The following DHRSX variants were observed in gnomAD, a reference collection of about 807,000 sequenced individuals.
DHRSX encodes dehydrogenase/reductase X-linked, also known as polyprenol dehydrogenase.
Under a neutral mutation model 34.0 loss-of-function variants are expected in DHRSX, and 31 were observed. The ratio of observed to expected loss-of-function variants is 0.91; its 90% CI spans 0.69 to 1.23. The LOEUF is 1.23. DHRSX is among the 50% of genes most tolerant of loss of function. DHRSX has a pLI of 0.00. For synonymous variants in DHRSX, 201 were observed against 183.8 expected, an observed-to-expected ratio of 1.09 and a Z score of -0.76; for missense variants, 414 against 428.1, an observed-to-expected ratio of 0.97 and a Z score of 0.29.
chrX:2,388,063 C>T (rs992815705), intron 3 of DHRSX, among the ~76,000 whole-genome samples: 36 of 152,050 alleles, frequency 2.4e-4, no homozygotes, highest in African/African-American at 8.2e-4. Context: ...GACTGATCAG[C>T]CTCAGGGCTT....
chrX:2,482,180 A>G (rs1259790768), intron 1 of DHRSX, among the ~76,000 whole-genome samples: 2 of 148,746 alleles, frequency 1.3e-5, no homozygotes, highest in African/African-American at 5.0e-5. Flanking sequence ...CACAGGCTGG[A>G]GTGCAGTGGT....
intron 3 of DHRSX, among the ~76,000 whole-genome samples, chrX:2,372,912 G>A (rs2043092888): frequency 6.6e-6 from 1 of 152,070 alleles, no homozygotes; most frequent in African/African-American, 2.4e-5. Flanking sequence ...GCGCCTGGCT[G>A]GGGGTTGGTA....
At chrX:2,242,885 C>T (rs2016173042) in intron 6 of DHRSX, 138 bp downstream of exon 6, 2 of 789,086 alleles carry the variant, frequency 2.5e-6, no homozygotes, top group Non-Finnish European at 2.0e-6. Context: ...TAACTTGCTT[C>T]TCTTTCCACC....
At chrX:2,225,722 G>A (rs2015643888) in intron 6 of DHRSX, among the ~76,000 whole-genome samples, 1 of 144,538 alleles carries the variant, frequency 6.9e-6, no homozygotes, top group African/African-American at 2.6e-5. Flanking sequence ...CACACAGAGG[G>A]ACAACCCTGT....
chrX:2,230,543 C>T (rs747427630), intron 6 of DHRSX, among the ~76,000 whole-genome samples: 2 of 152,294 alleles, frequency 1.3e-5, no homozygotes, highest in East Asian at 3.9e-4. Context: ...GGTGCCCAGA[C>T]ATTTGGTCAA....
At chrX:2,403,494 C>G (rs2043513458) in intron 3 of DHRSX, among the ~76,000 whole-genome samples, 2 of 152,146 alleles carry the variant, frequency 1.3e-5, no homozygotes, top group African/African-American at 4.8e-5. Flanking sequence ...TACTTGTCCA[C>G]AAAACACTGC....
At chrX:2,242,194 C>A (rs772851941) in intron 6 of DHRSX, among the ~76,000 whole-genome samples, 1 of 152,156 alleles carries the variant, frequency 6.6e-6, no homozygotes, top group African/African-American at 2.4e-5. Context: ...GTATTTTGTG[C>A]GTTGATTTTT....
intron 3 of DHRSX, among the ~76,000 whole-genome samples, chrX:2,340,905 GAAGA>G (rs1290841430): frequency 6.6e-6 from 1 of 152,098 alleles, no homozygotes; most frequent in Non-Finnish European, 1.5e-5. Context: ...CAGGTGGAGA[GAAGA>G]AAGAGGAGAC....
chrX:2,373,868 G>C (rs1255680585), intron 3 of DHRSX, among the ~76,000 whole-genome samples: 1 of 152,174 alleles, frequency 6.6e-6, no homozygotes, highest in Non-Finnish European at 1.5e-5. Context: ...AACCCAGGAG[G>C]AGGGTTATCC....
At chrX:2,300,186 T>A (rs1246073631) in intron 3 of DHRSX, among the ~76,000 whole-genome samples, 1 of 152,208 alleles carries the variant, frequency 6.6e-6, no homozygotes, top group Non-Finnish European at 1.5e-5. Context: ...AGGAATTGAA[T>A]AGTGCCTTCA....
chrX:2,297,403 G>A (rs1168912868), intron 3 of DHRSX, among the ~76,000 whole-genome samples: 1 of 151,924 alleles, frequency 6.6e-6, no homozygotes, highest in East Asian at 1.9e-4. Context: ...GATTACCGTC[G>A]TGAGCCACCT....
intron 3 of DHRSX, among the ~76,000 whole-genome samples, chrX:2,323,028 A>G (rs2042331972): frequency 1.3e-5 from 2 of 149,960 alleles, no homozygotes; most frequent in African/African-American, 4.9e-5. Context: ...GGTTCAAGCG[A>G]TTCTCCTGCC....
chrX:2,484,416 T>C (rs1267975116), intron 1 of DHRSX, among the ~76,000 whole-genome samples: 1 of 152,102 alleles, frequency 6.6e-6, no homozygotes, highest in Non-Finnish European at 1.5e-5. Flanking sequence ...CGCATCTGAC[T>C]GCAACACAAA....
Position 2,459,554 on chromosome X carries a change from A to G in DHRSX, c.110-34250T>C, listed in dbSNP as rs1168756052. ...AGAGAGAATGTGTGTCTGTGTGTAT[A>G]TATATATATATATATATATATATAT... On this transcript the variant is annotated intron_variant, in intron 1 of 6. Coordinates refer to ENST00000334651, the MANE Select transcript of DHRSX (RefSeq NM_145177.3). Among the ~76,000 whole-genome samples the G allele has an allele frequency of 1.5e-3, 37 of 25,510 alleles. No individual in the cohort carries two copies. In the African/African-American group the frequency reaches 0.031, roughly 21 times the overall value. 16.7% of individuals were successfully genotyped at this position (25,510 alleles called of 152,430 possible).
intron 3 of DHRSX, among the ~76,000 whole-genome samples, chrX:2,392,857 T>G (rs2043351763): frequency 7.1e-6 from 1 of 140,960 alleles, no homozygotes; most frequent in African/African-American, 2.5e-5. Context: ...TATATTTATG[T>G]AATATATATT....
intron 5 of DHRSX, 116 bp downstream of exon 5, chrX:2,266,624 C>T: frequency 9.5e-7 from 1 of 1,056,826 alleles, no homozygotes; most frequent in East Asian, 2.4e-5. Context: ...GAGCACTGTT[C>T]CCAGAGCACC....
intron 3 of DHRSX, among the ~76,000 whole-genome samples, chrX:2,382,714 TCAC>T (rs1835673708): frequency 3.1e-5 from 2 of 65,018 alleles, no homozygotes; most frequent in African/African-American, 6.6e-5. Flanking sequence ...ATCACCATCA[TCAC>T]CACCATCATC....
chrX:2,379,286 C>G (rs902138715), intron 3 of DHRSX, among the ~76,000 whole-genome samples: 1 of 152,206 alleles, frequency 6.6e-6, no homozygotes, highest in Non-Finnish European at 1.5e-5. Context: ...ATATCACCAA[C>G]ACCATTAATT....
intron 1 of DHRSX, among the ~76,000 whole-genome samples, chrX:2,498,766 G>A (rs1389063979): frequency 6.6e-6 from 1 of 152,170 alleles, no homozygotes; most frequent in African/African-American, 2.4e-5. Flanking sequence ...GGAGGTTTAA[G>A]GGGACCTTTC....
Sources: gnomAD v4.1 joint callset for allele counts (sites outside exome capture counted in the v4.1 genomes callset) on GRCh38, gnomAD v4.1.1 for gene constraint, MANE v1.5 for transcripts, NCBI Gene and HGNC (gene_info 2026-07-23, HGNC 2026-07-21) for gene names.